The following SYNM variants were observed in gnomAD, a reference collection of about 807,000 sequenced individuals.
SYNM encodes the protein synemin, also known as desmuslin.
Under a neutral mutation model 104.0 loss-of-function variants are expected in SYNM, and 95 were observed. That is an observed-to-expected ratio of 0.91 (90% CI 0.77 to 1.08). The LOEUF is 1.08. Among genes scored for constraint, SYNM ranks in the 50% least tolerant of loss-of-function variants. The pLI, the probability that SYNM is intolerant of heterozygous loss-of-function variation, is 0.00. For missense variants in SYNM, 2,150 were observed against 2,052.2 expected (o/e 1.05, Z -0.92); for synonymous variants, 918 against 869.0 (o/e 1.06, Z -0.99).
Position 99,105,242 on chromosome 15 carries a change from C to T in SYNM, c.43C>T (p.Leu15Phe), listed in dbSNP as rs782463531. 4 of 1,571,012 alleles carry T rather than the reference C, an allele frequency of 2.5e-6. No individual in the cohort carries two copies. The highest frequency in any genetic ancestry group is 2.3e-5 in the South Asian group (2 of 85,794). ...GCAGACGGGCCCCGAGAAGGCCGAGCTCCAGGAGCTCAACGCCCGGCTCTA... is the reference window on the plus strand; with the variant it reads ...GCAGACGGGCCCCGAGAAGGCCGAGTTCCAGGAGCTCAACGCCCGGCTCTA... The part of the protein sequence containing the change: ...RLQTGPEKAE[L>F]QELNARLYDY... The change falls in exon 1 of 4, where the codon CTC (leucine) becomes TTC (phenylalanine). Residue 15 changes from leucine (L) to phenylalanine (F), a missense_variant. By Grantham distance (22) the Leu-to-Phe change is conservative (BLOSUM62 0). Coordinates refer to ENST00000336292, the MANE Select transcript of SYNM (RefSeq NM_145728.3).
intron 1 of SYNM, among the ~76,000 whole-genome samples, chr15:99,107,247 C>T (rs1405529313): frequency 2.0e-5 from 3 of 152,172 alleles, no homozygotes; most frequent in African/African-American, 7.2e-5. Context: ...AGGGACTGAC[C>T]CAGTGTGTAC....
chr15:99,113,489 A>T, intron 1 of SYNM, 102 bp from the exon 2 acceptor site: 1 of 1,487,910 alleles, frequency 6.7e-7, no homozygotes. Context: ...TCTGCTAATA[A>T]CCCTGGTCTG....
intron 3 of SYNM, among the ~76,000 whole-genome samples, chr15:99,127,722 T>C (rs1374365876): frequency 2.0e-5 from 3 of 152,218 alleles, no homozygotes; most frequent in Admixed American, 6.5e-5. Flanking sequence ...TAGGCATTGG[T>C]CAACCTGCCT....
In SYNM at chr15:99,111,567, C is replaced by T. The variant is rs373203392; in HGVS notation, c.811-2024C>T. ...TAATGCCAGCTGTGGGATCTGTTATCGTTTTTCCACCCTGGGACATAAGCC... is the reference window on the plus strand; with the variant it reads ...TAATGCCAGCTGTGGGATCTGTTATTGTTTTTCCACCCTGGGACATAAGCC... On this transcript the variant is annotated intron_variant, in intron 1 of 3. Coordinates refer to ENST00000336292, the MANE Select transcript of SYNM (RefSeq NM_145728.3). 6.2e-4 allele frequency among the ~76,000 whole-genome samples: 95 copies of T among 152,260 alleles called. No homozygotes were observed. In the Middle Eastern group the frequency reaches 0.014, roughly 22 times the overall value.
Position 99,129,416 on chromosome 15 carries a change from A to G in SYNM, c.1056A>G (p.Glu352=), listed in dbSNP as rs2067476082. 6.2e-7 allele frequency: 1 copy of G among 1,613,916 alleles called. No individual in the cohort carries two copies. The highest frequency in any genetic ancestry group is 1.7e-5 in the Admixed American group (1 of 60,010). Residue 352 remains glutamate, a synonymous_variant, in exon 4 of 4, where the codon GAA becomes GAG. Transcript: ENST00000336292. Reference sequence around the variant, plus strand: ...ATACCGACTCACTACTACAGAGGGAAAATGAAAGGAATCTATTTTCAAGGC... The same window carrying G: ...ATACCGACTCACTACTACAGAGGGAGAATGAAAGGAATCTATTTTCAAGGC... ...YHYTDSLLQR[E]NERNLFSRQK... is the part of the protein sequence containing the mutation.
intron 1 of SYNM, among the ~76,000 whole-genome samples, chr15:99,107,274 G>T (rs73476344): frequency 0.12 from 18,638 of 152,240 alleles, 1,933 homozygotes; most frequent in African/African-American, 0.29. Flanking sequence ...CCACTTGTGA[G>T]CACTTGTGTC....
intron 1 of SYNM, among the ~76,000 whole-genome samples, chr15:99,106,722 C>T (rs916928465): frequency 1.3e-5 from 2 of 152,344 alleles, no homozygotes; most frequent in Middle Eastern, 3.4e-3. Flanking sequence ...TTCAGGGAAG[C>T]AAACCCTCTG....
At chr15:99,115,601 A>G (rs1306349225) in intron 2 of SYNM, among the ~76,000 whole-genome samples, 1 of 151,680 alleles carries the variant, frequency 6.6e-6, no homozygotes, top group South Asian at 2.1e-4. Flanking sequence ...AGCTGGGACT[A>G]CAGGCCCCTG....
At chr15:99,138,212 G>A (rs1454521206), downstream of SYNM, 7 of 1,542,718 alleles carry the variant, frequency 4.5e-6, no homozygotes, top group Non-Finnish European at 5.3e-6. Context: ...CCCAGCAGGT[G>A]CCCAGACCCA....
chr15:99,112,447 C>A (rs1055859402), intron 1 of SYNM, among the ~76,000 whole-genome samples: 1 of 152,204 alleles, frequency 6.6e-6, no homozygotes, highest in African/African-American at 2.4e-5. Flanking sequence ...TGAGAAGATA[C>A]TGTCGACTTC....
At chr15:99,136,784 G>A (rs2067625667), downstream of SYNM, 1 of 152,222 alleles carries the variant, frequency 6.6e-6, no homozygotes, top group African/African-American at 2.4e-5. Flanking sequence ...GCACACTGCT[G>A]ATGTCCGACA....
chr15:99,105,133 C>G lies in SYNM; in HGVS notation c.-67C>G. ...GGCCGGAGCGTCGCGGCGGAGAGGA[C>G]GAGACCGGGACAAGACCAGGGCAGG... is the stretch of plus-strand genomic sequence containing the variant. On this transcript the variant is annotated 5_prime_UTR_variant, in exon 1 of 4. Transcript: ENST00000336292. 6.6e-7 allele frequency: 1 copy of G among 1,508,682 alleles called. No individual in the cohort carries two copies. The highest frequency in any genetic ancestry group is 1.2e-5 in the South Asian group (1 of 82,222). 93.5% of individuals were successfully genotyped at this position (1,508,682 alleles called of 1,614,324 possible). A position where few individuals can be genotyped will look rare whatever the true frequency, so the allele number is the denominator to read the frequency against.
downstream of SYNM, chr15:99,138,002 T>C (rs1374087008): frequency 7.4e-6 from 12 of 1,613,958 alleles, no homozygotes; most frequent in East Asian, 2.2e-5. Context: ...TTTTTCAGGG[T>C]GGGGGCCTCA....
At chr15:99,139,155 T>C, downstream of SYNM, 1 of 841,948 alleles carries the variant, frequency 1.2e-6, no homozygotes, top group Non-Finnish European at 1.9e-6. Flanking sequence ...GGAAGATCTT[T>C]TACAACTCGG....
In SYNM at chr15:99,131,660, G is replaced by A. The variant is rs782771735; in HGVS notation, c.3300G>A (p.Ser1100=). 15 of 1,611,820 alleles carry A rather than the reference G, an allele frequency of 9.3e-6. No individual in the cohort carries two copies. Among genetic ancestry groups the A allele is most frequent in the African/African-American group, 4.0e-5 (3 of 74,924 alleles). The change falls in exon 4 of 4, where the codon TCG becomes TCA. Residue 1100 remains serine (S), a synonymous_variant. Coordinates refer to ENST00000336292, the MANE Select transcript of SYNM (RefSeq NM_145728.3). This position sits in a 1 kb window ranked among gnomAD's most constrained non-coding sequence, Gnocchi z 4.3. ...SGQRTPQGPV[S]ATVEVSSPTG... ...AGCGCACTCCCCAGGGCCCAGTGTCGGCCACTGTGGAGGTCAGCAGCCCCA... is the reference window on the plus strand; with the variant it reads ...AGCGCACTCCCCAGGGCCCAGTGTCAGCCACTGTGGAGGTCAGCAGCCCCA...
rs1555482622 is a variant in SYNM at position 99,105,846 on chromosome 15, G to C, written c.647G>C (p.Gly216Ala). The C allele has an allele frequency of 6.5e-7, 1 of 1,541,804 alleles. No individual in the cohort carries two copies. The highest frequency in any genetic ancestry group is 1.2e-5 in the South Asian group (1 of 83,538). ...GAGCTGGAGGAGGCGCTGCGGCGCG[G>C]CCAGGAGAGCAGACTCCAGGCGGAG... is the stretch of plus-strand genomic sequence containing the variant. ...VRELEEALRR[G>A]QESRLQAEEE... The change falls in exon 1 of 4, where the codon GGC becomes GCC. Residue 216 changes from glycine (G) to alanine (A), a missense_variant. Gly to Ala is a moderately conservative substitution (Grantham distance 60). Coordinates refer to ENST00000336292, the MANE Select transcript of SYNM (RefSeq NM_145728.3).
At chr15:99,123,063 G>A (rs537035263) in intron 2 of SYNM, among the ~76,000 whole-genome samples, 117 of 152,316 alleles carry the variant, frequency 7.7e-4, no homozygotes, top group South Asian at 3.7e-3. Context: ...CTTACTCTGT[G>A]ACAGCCATGG....
intron 1 of SYNM, among the ~76,000 whole-genome samples, chr15:99,106,607 A>C (rs1315560129): frequency 1.3e-5 from 2 of 152,382 alleles, no homozygotes; most frequent in East Asian, 3.9e-4. Context: ...TTTTGCTCAC[A>C]GCACACGCTG....
In SYNM at chr15:99,131,528, G is replaced by A. The variant is rs558775921; in HGVS notation, c.3168G>A (p.Ala1056=). The A allele has an allele frequency of 6.1e-4, 977 of 1,607,656 alleles. 9 individuals are homozygous for A. In the South Asian group the frequency reaches 9.7e-3, roughly 16 times the overall value. Residue 1056 remains alanine, a synonymous_variant, in exon 4 of 4, where the codon GCG becomes GCA. Coordinates refer to ENST00000336292, the MANE Select transcript of SYNM (RefSeq NM_145728.3). This position sits in a 1 kb window ranked among gnomAD's most constrained non-coding sequence, Gnocchi z 4.3. ...APGSPDEEGG[A]EAPAAGIRFR... ...GCAGCCCAGATGAGGAAGGTGGAGC[G>A]GAGGCCCCGGCTGCTGGCATTCGCT...
Sources: gnomAD v4.1 joint callset for allele counts (sites outside exome capture counted in the v4.1 genomes callset) on GRCh38, gnomAD v4.1.1 for gene constraint, Gnocchi (gnomAD v3.1) non-coding constraint, MANE v1.5 for transcripts, NCBI Gene and HGNC (gene_info 2026-07-23, HGNC 2026-07-21) for gene names.